SIAE: variants seen among roughly 807,000 people sequenced by gnomAD.
SIAE encodes sialate O-acetylesterase.
In SIAE, 39 loss-of-function variants were observed where a neutral mutation model predicts 52.6. That is an observed-to-expected ratio of 0.74 (90% confidence interval 0.57 to 0.97). The LOEUF (loss-of-function observed/expected upper bound fraction) is 0.97. Among genes scored for constraint, SIAE ranks in the 50% least tolerant of loss-of-function variants. SIAE has a pLI of 0.00. For synonymous variants in SIAE, 233 were observed against 241.4 expected (o/e 0.97, Z 0.32); for missense variants, 592 against 662.1 (o/e 0.89, Z 1.16).
At position 124,647,921 on chromosome 11, in the gene SIAE, T is replaced by C. The variant is rs1365902817; in HGVS notation, c.832+145A>G. ...GGAATTAGCTGAAGCAGCCCAGACATAAAAACTACCCTGCTCACCCACAGA... is the reference window on the plus strand; with the variant it reads ...GGAATTAGCTGAAGCAGCCCAGACACAAAAACTACCCTGCTCACCCACAGA... On this transcript the variant is annotated intron_variant, in intron 6 of 9. Transcript: ENST00000263593. 8.2e-6 allele frequency: 6 copies of C among 733,336 alleles called. No individual in the cohort carries two copies. The Admixed American group carries it at 8.2e-5, about 10-fold the overall frequency. 45.4% of individuals were successfully genotyped at this position (733,336 alleles called of 1,614,324 possible). A position where few individuals can be genotyped will look rare whatever the true frequency, so the allele number is the denominator to read the frequency against.
At chr11:124,640,067 G>C (rs7102195) in intron 7 of SIAE, among the ~76,000 whole-genome samples, 200 bp from the exon 8 acceptor site, 16,674 of 152,174 alleles carry the variant, frequency 0.11, 2,954 homozygotes, top group African/African-American at 0.37. Context: ...CCCTCTTGCA[G>C]TGCAACTTTG....
intron 3 of SIAE, among the ~76,000 whole-genome samples, chr11:124,658,241 C>T (rs1445843063): frequency 9.4e-6 from 1 of 106,844 alleles, no homozygotes; most frequent in Non-Finnish European, 1.9e-5. Flanking sequence ...TGTGTCTGTG[C>T]ACACACACAC....
At chr11:124,671,160 A>C (rs1943348520) in intron 1 of SIAE, among the ~76,000 whole-genome samples, 1 of 152,182 alleles carries the variant, frequency 6.6e-6, no homozygotes, top group African/African-American at 2.4e-5. Flanking sequence ...GTGCTGGGCT[A>C]AAGAGTTTTA....
rs1056974375 is a variant in SIAE, at chr11:124,645,935, G to A, written c.966+1430C>T. The stretch of plus-strand genomic sequence containing the variant: ...AGGTACAGTGAAAAGGACAAGGTAG[G>A]GGAGTGGGGAGGATGGTGAGAAGTC... On this transcript the variant is annotated intron_variant, in intron 7 of 9. Transcript: ENST00000263593. The surrounding 1 kb of genome is among the most constrained non-coding windows in gnomAD (Gnocchi z 4.7). Among the ~76,000 whole-genome samples the A allele has an allele frequency of 1.3e-5, 2 of 152,220 alleles. No individual in the cohort carries two copies. The highest frequency in any genetic ancestry group is 4.8e-5 in the African/African-American group (2 of 41,462).
intron 7 of SIAE, among the ~76,000 whole-genome samples, chr11:124,644,753 G>T (rs79946168): frequency 0.051 from 7,749 of 152,180 alleles, 654 homozygotes; most frequent in African/African-American, 0.18. Flanking sequence ...CCAGCCCCTA[G>T]CCTCTTGCTG....
chr11:124,673,990 C>G, upstream of SIAE: 1 of 505,958 alleles, frequency 2.0e-6, no homozygotes, highest in Admixed American at 3.3e-5. Flanking sequence ...GATACCAAGA[C>G]CTAGCCTTTT....
intron 8 of SIAE, 118 bp from the exon 9 acceptor site, chr11:124,638,855 C>A: frequency 1.2e-6 from 1 of 811,564 alleles, no homozygotes; most frequent in Non-Finnish European, 2.0e-6. Flanking sequence ...GTTGACTGAA[C>A]TCTGTGATCA....
At chr11:124,651,041 T>A (rs942006206) in intron 4 of SIAE, among the ~76,000 whole-genome samples, 14 of 152,154 alleles carry the variant, frequency 9.2e-5, no homozygotes, top group African/African-American at 2.7e-4. Context: ...TGGGATCAGT[T>A]CAGCCCAAGG....
chr11:124,664,738 A>G (rs1943248260), intron 2 of SIAE, among the ~76,000 whole-genome samples: 1 of 152,186 alleles, frequency 6.6e-6, no homozygotes, highest in Admixed American at 6.5e-5. Context: ...TCTTCTTGCC[A>G]TTCATATCAG....
intron 2 of SIAE, among the ~76,000 whole-genome samples, chr11:124,664,236 T>TC (rs142067222): frequency 0.019 from 2,894 of 150,986 alleles, 49 homozygotes; most frequent in Non-Finnish European, 0.026. Context: ...GTAGCCTATT[T>TC]CTTTTTTTTT....
chr11:124,638,540 A>C lies in SIAE; in HGVS notation c.1320+2T>G, dbSNP rs1236000858. The C allele has an allele frequency of 1.2e-5, 19 of 1,614,006 alleles. No homozygotes were observed. Among genetic ancestry groups the C allele is most frequent in the Non-Finnish European group, 1.5e-5 (18 of 1,179,968 alleles). On this transcript the variant is annotated splice_donor_variant, in intron 9 of 9. Transcript: ENST00000263593. LOFTEE classifies it high-confidence loss of function. Reference sequence around the variant, plus strand: ...CCCTGTTTATTCTGCTGTTCTTCTCACCTCAAATATCTTGTTGTCCTTTTT... The same window carrying C: ...CCCTGTTTATTCTGCTGTTCTTCTCCCCTCAAATATCTTGTTGTCCTTTTT...
At chr11:124,641,238 A>G (rs1163861748) in intron 7 of SIAE, among the ~76,000 whole-genome samples, 4 of 152,234 alleles carry the variant, frequency 2.6e-5, no homozygotes, top group African/African-American at 7.2e-5. Flanking sequence ...GATTATTATT[A>G]TAGGAAAACG....
chr11:124,662,609 G>C (rs1006163894), intron 2 of SIAE, among the ~76,000 whole-genome samples: 1 of 152,170 alleles, frequency 6.6e-6, no homozygotes, highest in Non-Finnish European at 1.5e-5. Flanking sequence ...GTAATTAAAA[G>C]ATAATGCCAA....
intron 4 of SIAE, among the ~76,000 whole-genome samples, chr11:124,653,123 G>A (rs768318985): frequency 1.1e-4 from 17 of 152,072 alleles, no homozygotes; most frequent in Non-Finnish European, 1.9e-4. Context: ...GGGAGAGTTC[G>A]GATAGTGTAA....
At chr11:124,669,266 G>A (rs1242627171) in intron 2 of SIAE, 94 bp downstream of exon 2, 3 of 1,457,624 alleles carry the variant, frequency 2.1e-6, no homozygotes, top group African/African-American at 1.4e-5. Flanking sequence ...AGGGACGGAT[G>A]GATAATGTGA....
chr11:124,660,421 C>G, intron 3 of SIAE: 1 of 662,566 alleles, frequency 1.5e-6, no homozygotes, highest in South Asian at 1.5e-5. Context: ...TAGCACCAAT[C>G]AATAACTACC....
Position 124,635,112 on chromosome 11 carries a change from T to TA in SIAE, c.*1838dup, listed in dbSNP as rs1304198341. 1.3e-5 allele frequency: 2 copies of TA among 152,212 alleles called. No individual in the cohort carries two copies. The highest frequency in any genetic ancestry group is 2.9e-5 in the Non-Finnish European group (2 of 68,038). The allele number at this position is 152,212 out of a possible 1,614,324, so 9.4% of individuals were successfully genotyped here. Reference sequence around the variant, plus strand: ...CCTGGAGGTGAAAGGAATCTGGACTTAGAGTTCTTGGCTACCTCTGGCTGC... The same window carrying TA: ...CCTGGAGGTGAAAGGAATCTGGACTTAAGAGTTCTTGGCTACCTCTGGCTGC... On this transcript the variant is annotated 3_prime_UTR_variant, in exon 10 of 10. Coordinates refer to ENST00000263593, the MANE Select transcript of SIAE (RefSeq NM_170601.5).
At chr11:124,663,314 C>T (rs1032091591) in intron 2 of SIAE, among the ~76,000 whole-genome samples, 6 of 151,366 alleles carry the variant, frequency 4.0e-5, no homozygotes, top group African/African-American at 9.7e-5. Flanking sequence ...CAGTGGCTTG[C>T]GCCTGTAATC....
At chr11:124,672,026 T>C (rs1188307216) in intron 1 of SIAE, among the ~76,000 whole-genome samples, 1 of 151,662 alleles carries the variant, frequency 6.6e-6, no homozygotes, top group African/African-American at 2.4e-5. Context: ...TCTGCCCACC[T>C]TGGCCTCCCA....
Sources: gnomAD v4.1 joint callset for allele counts (sites outside exome capture counted in the v4.1 genomes callset) on GRCh38, gnomAD v4.1.1 for gene constraint, Gnocchi (gnomAD v3.1) non-coding constraint, MANE v1.5 for transcripts, NCBI Gene and HGNC (gene_info 2026-07-23, HGNC 2026-07-21) for gene names.